Variants in PARD3B observed in about 807,000 individuals in gnomAD.
PARD3B encodes the protein par-3 family cell polarity regulator beta, also known as partitioning defective 3 homolog B.
PARD3B carries 103 observed loss-of-function variants against 130.2 expected under a neutral mutation model. The observed-to-expected ratio is 0.79, with a 90% CI of 0.67 to 0.93. The LOEUF is 0.93. Among genes scored for constraint, PARD3B ranks in the 40% least tolerant of loss-of-function variants. The pLI, the probability that PARD3B is intolerant of heterozygous loss-of-function variation, is 0.00. For synonymous variants in PARD3B, 583 were observed against 553.2 expected (o/e 1.05, Z -0.76); for missense variants, 1,609 against 1,499.2 (o/e 1.07, Z -1.21).
At chr2:204,933,350 A>G (rs1208043287) in intron 2 of PARD3B, among the ~76,000 whole-genome samples, 1 of 152,228 alleles carries the variant, frequency 6.6e-6, no homozygotes, top group Non-Finnish European at 1.5e-5. Flanking sequence ...TGACACTCTG[A>G]TAGATCACAG....
chr2:204,841,711 C>A (rs933757206), intron 2 of PARD3B, among the ~76,000 whole-genome samples: 5 of 152,058 alleles, frequency 3.3e-5, no homozygotes, highest in Non-Finnish European at 7.4e-5. Flanking sequence ...ATAATATTCT[C>A]TTTTCCTCTT....
intron 1 of PARD3B, among the ~76,000 whole-genome samples, chr2:204,640,184 A>C (rs1346375284): frequency 1.3e-5 from 2 of 152,038 alleles, no homozygotes; most frequent in Non-Finnish European, 2.9e-5. Flanking sequence ...TGTGTCTGGG[A>C]GGTTGAGGGT....
At chr2:205,065,476 T>C (rs545968790) in intron 4 of PARD3B, among the ~76,000 whole-genome samples, 48 of 152,286 alleles carry the variant, frequency 3.2e-4, no homozygotes, top group African/African-American at 1.1e-3. Flanking sequence ...ATTTTTTATT[T>C]CATTCTGTGC....
chr2:205,047,521 T>C, intron 3 of PARD3B, 60 bp from the exon 4 acceptor site: 1 of 1,022,876 alleles, frequency 9.8e-7, no homozygotes, highest in Non-Finnish European at 1.5e-6. Flanking sequence ...GTGCATTGTG[T>C]CATGCACTCT....
In PARD3B at chr2:205,592,622, C is replaced by T. The variant is rs909090692; in HGVS notation, c.3261-22834C>T. ...GTTTCCCATACAACTATAATGCCTG[C>T]GTTATATTTAAGGTTTTTCATGATC... On this transcript the variant is annotated intron_variant, in intron 22 of 22. Coordinates refer to ENST00000406610, the MANE Select transcript of PARD3B (RefSeq NM_001302769.2). The surrounding 1 kb of genome is among the most constrained non-coding windows in gnomAD (Gnocchi z 4.5). 3.9e-5 allele frequency among the ~76,000 whole-genome samples: 6 copies of T among 152,102 alleles called. No individual in the cohort carries two copies. The highest frequency in any genetic ancestry group is 5.9e-5 in the Non-Finnish European group (4 of 68,024).
At chr2:205,387,254 A>G (rs1394630237) in intron 18 of PARD3B, among the ~76,000 whole-genome samples, 2 of 152,202 alleles carry the variant, frequency 1.3e-5, no homozygotes, top group African/African-American at 2.4e-5. Context: ...CTTTGGAATT[A>G]CTATTCATGA....
chr2:205,124,998 T>G (rs1400783326), intron 9 of PARD3B, among the ~76,000 whole-genome samples: 1 of 152,214 alleles, frequency 6.6e-6, no homozygotes, highest in Non-Finnish European at 1.5e-5. Flanking sequence ...TATTTTTGTC[T>G]GAGGACATTA....
Position 205,070,077 on chromosome 2 carries a change from C to T in PARD3B, c.504+22387C>T, listed in dbSNP as rs140217170. The stretch of plus-strand genomic sequence containing the variant: ...CCTATACCTTCTCTTCTTCCTGTCT[C>T]CTGGCTTAAATTTCTCCAAGCCTGT... On this transcript the variant is annotated intron_variant, in intron 4 of 22. Transcript: ENST00000406610. Among the ~76,000 whole-genome samples the T allele has an allele frequency of 2.4e-3, 364 of 152,184 alleles. 1 individual carries two copies. The highest frequency in any genetic ancestry group is 3.4e-3 in the Middle Eastern group (1 of 294).
intron 1 of PARD3B, among the ~76,000 whole-genome samples, chr2:204,627,656 A>G (rs1002103200): frequency 1.3e-5 from 2 of 152,118 alleles, no homozygotes. Context: ...TCATGTTGTC[A>G]TATTTATTGA....
intron 2 of PARD3B, among the ~76,000 whole-genome samples, chr2:204,710,093 A>G (rs541116803): frequency 6.6e-6 from 1 of 152,336 alleles, no homozygotes; most frequent in South Asian, 2.1e-4. Context: ...CTTACGTTAA[A>G]ATAAGATTTC....
intron 1 of PARD3B, among the ~76,000 whole-genome samples, chr2:204,584,868 C>T (rs1443695882): frequency 1.3e-5 from 2 of 152,168 alleles, no homozygotes; most frequent in Admixed American, 6.5e-5. Flanking sequence ...AGGGCATTGT[C>T]GACACAGGTG....
At chr2:204,915,921 G>T (rs2125736859) in intron 2 of PARD3B, among the ~76,000 whole-genome samples, 1 of 152,298 alleles carries the variant, frequency 6.6e-6, no homozygotes, top group Admixed American at 6.5e-5. Context: ...GTTTGTGGCT[G>T]TGAATTTGAC....
intron 20 of PARD3B, among the ~76,000 whole-genome samples, chr2:205,474,894 G>C (rs2048972046): frequency 6.6e-6 from 1 of 152,096 alleles, no homozygotes; most frequent in Admixed American, 6.6e-5. Context: ...TTACTAGTGA[G>C]GTTAAGCATT....
rs2051460210 is a variant in PARD3B at position 205,528,964 on chromosome 2, A to G, written c.3181-24360A>G. The stretch of plus-strand genomic sequence containing the variant: ...TTTAAGTATTTTTGTAGATTAAGTC[A>G]ATCTATGTTTATGAATTTTGAAATA... On this transcript the variant is annotated intron_variant, in intron 21 of 22. Coordinates refer to ENST00000406610, the MANE Select transcript of PARD3B (RefSeq NM_001302769.2). Among the ~76,000 whole-genome samples the G allele has an allele frequency of 2.0e-5, 3 of 152,296 alleles. No homozygotes were observed. In the South Asian group the frequency reaches 6.2e-4, roughly 32 times the overall value.
chr2:204,819,702 G>A (rs771666904), intron 2 of PARD3B, among the ~76,000 whole-genome samples: 27 of 152,118 alleles, frequency 1.8e-4, no homozygotes, highest in Admixed American at 5.2e-4. Context: ...TAAAGTTCTC[G>A]AAGGAAATTA....
intron 21 of PARD3B, among the ~76,000 whole-genome samples, chr2:205,528,308 C>T (rs186218422): frequency 1.1e-4 from 16 of 152,270 alleles, no homozygotes; most frequent in Admixed American, 9.8e-4. Flanking sequence ...CATTTGAGCC[C>T]TACGTTGTGC....
At chr2:204,864,417 G>A (rs1051017339) in intron 2 of PARD3B, among the ~76,000 whole-genome samples, 9 of 152,116 alleles carry the variant, frequency 5.9e-5, no homozygotes, top group Non-Finnish European at 1.3e-4. Context: ...GCATGTCCCA[G>A]CTAAACTGAC....
At chr2:204,758,995 T>G (rs1453000692) in intron 2 of PARD3B, among the ~76,000 whole-genome samples, 1 of 152,198 alleles carries the variant, frequency 6.6e-6, no homozygotes, top group African/African-American at 2.4e-5. Flanking sequence ...GTCACCCTTC[T>G]GTGTCTGTGT....
chr2:205,489,551 T>TATATACGTATATATATATAC (rs1553524259), intron 20 of PARD3B, among the ~76,000 whole-genome samples: 11 of 138,494 alleles, frequency 7.9e-5, no homozygotes, highest in Non-Finnish European at 1.4e-4. Flanking sequence ...TATATATGTA[T>TATATACGTATATATATATAC]ATATATACAT....
Sources: allele counts gnomAD v4.1 joint callset (sites outside exome capture counted in the v4.1 genomes callset), GRCh38; gene constraint gnomAD v4.1.1; non-coding constraint Gnocchi (gnomAD v3.1); transcripts MANE v1.5; gene names NCBI Gene and HGNC (gene_info 2026-07-23, HGNC 2026-07-21).